PCDHA7: variants seen among roughly 807,000 people sequenced by gnomAD.
PCDHA7 encodes the protein protocadherin alpha-7.
A neutral mutation model predicts 57.2 loss-of-function variants in PCDHA7; 37 were observed. The observed-to-expected ratio is 0.65, with a 90% CI of 0.50 to 0.85. The LOEUF (loss-of-function observed/expected upper bound fraction) is 0.85. Among genes scored for constraint, PCDHA7 ranks in the 40% least tolerant of loss-of-function variants. PCDHA7 has a pLI of 0.00. For missense variants in PCDHA7, 1,188 were observed against 1,241.8 expected (o/e 0.96, Z 0.65); for synonymous variants, 553 against 558.8 (o/e 0.99, Z 0.15).
intron 3 of PCDHA7, among the ~76,000 whole-genome samples, chr5:141,008,415 C>T (rs782593921): frequency 2.0e-5 from 3 of 152,138 alleles, no homozygotes; most frequent in Non-Finnish European, 4.4e-5. Flanking sequence ...ATGTCATGGC[C>T]ACTGGGATCA....
chr5:140,967,218 C>T, intron 1 of PCDHA7: 3 of 1,613,744 alleles, frequency 1.9e-6, no homozygotes, highest in South Asian at 1.1e-5. Flanking sequence ...TTCCCGCGGC[C>T]CAACTACCAG....
At chr5:140,938,930 A>T (rs2092272913) in intron 1 of PCDHA7, among the ~76,000 whole-genome samples, 1 of 152,066 alleles carries the variant, frequency 6.6e-6, no homozygotes, top group African/African-American at 2.4e-5. Flanking sequence ...ATTGGCTTTT[A>T]ACTTTCCATT....
intron 1 of PCDHA7, chr5:140,866,572 GTGGT>G (rs1562601054): frequency 6.6e-6 from 1 of 152,168 alleles, no homozygotes; most frequent in African/African-American, 2.4e-5. Context: ...TGTTAATACA[GTGGT>G]TGGATAATGT....
In PCDHA7 at chr5:140,884,485, A is replaced by G. The variant is rs781880810; in HGVS notation, c.2355+47747A>G. 8 of 1,613,726 alleles carry G rather than the reference A, an allele frequency of 5.0e-6. No homozygotes were observed. The South Asian group carries it at 6.6e-5, about 13-fold the overall frequency. Reference sequence around the variant, plus strand: ...CGTGCGCGCCGGGCAAGCCCACTCTAGTGTGCTCCAGCGCGGCAGGGAGTT... The same window carrying G: ...CGTGCGCGCCGGGCAAGCCCACTCTGGTGTGCTCCAGCGCGGCAGGGAGTT... On this transcript the variant is annotated intron_variant, in intron 1 of 3. Transcript: ENST00000525929.
chr5:140,940,643 T>A (rs2092660320), intron 1 of PCDHA7, among the ~76,000 whole-genome samples: 1 of 152,226 alleles, frequency 6.6e-6, no homozygotes, highest in Non-Finnish European at 1.5e-5. Flanking sequence ...TGTCATTTAT[T>A]TATTTAAATA....
chr5:140,919,706 C>T (rs2079272649), intron 1 of PCDHA7, among the ~76,000 whole-genome samples: 1 of 152,048 alleles, frequency 6.6e-6, no homozygotes, highest in African/African-American at 2.4e-5. Flanking sequence ...TAACTTAATT[C>T]TAGTGAGATA....
At chr5:140,936,242 T>C (rs2090852443) in intron 1 of PCDHA7, among the ~76,000 whole-genome samples, 1 of 152,196 alleles carries the variant, frequency 6.6e-6, no homozygotes, top group African/African-American at 2.4e-5. Flanking sequence ...AAAGAAAACA[T>C]ATCCTGCTTC....
intron 1 of PCDHA7, chr5:140,858,432 G>A: frequency 6.5e-7 from 1 of 1,546,306 alleles, no homozygotes; most frequent in Admixed American, 1.9e-5. Flanking sequence ...GACCACTCTA[G>A]GAAGGTGGGT....
At position 140,855,991 on chromosome 5, in the gene PCDHA7, A is replaced by C; in HGVS notation, c.2355+19253A>C. On this transcript the variant is annotated intron_variant, in intron 1 of 3. Coordinates refer to ENST00000525929, the MANE Select transcript of PCDHA7 (RefSeq NM_018910.3). ...TAAGAAATAGGACAGAAAATGTCAG[A>C]TCGTATGTGCGTTCTAGACCGCTGA... 2.0e-6 allele frequency: 3 copies of C among 1,492,426 alleles called. 1 individual carries two copies. In the South Asian group the frequency reaches 3.9e-5, roughly 20 times the overall value. 92.4% of individuals were successfully genotyped at this position (1,492,426 alleles called of 1,614,324 possible). A position where few individuals can be genotyped will look rare whatever the true frequency, so the allele number is the denominator to read the frequency against.
At chr5:141,003,982 G>A (rs914206731) in intron 3 of PCDHA7, among the ~76,000 whole-genome samples, 25 of 152,152 alleles carry the variant, frequency 1.6e-4, no homozygotes, top group African/African-American at 5.6e-4. Flanking sequence ...GGGACTTGCC[G>A]GAGATCCTAG....
intron 1 of PCDHA7, among the ~76,000 whole-genome samples, chr5:140,972,728 A>T (rs189687890): frequency 6.8e-6 from 1 of 147,854 alleles, no homozygotes; most frequent in East Asian, 2.0e-4. Context: ...CAGTGGCGTA[A>T]TCCCGGCTCA....
chr5:140,858,397 C>A, intron 1 of PCDHA7: 1 of 1,573,182 alleles, frequency 6.4e-7, no homozygotes, highest in Non-Finnish European at 8.7e-7. Flanking sequence ...TAGATGTGGA[C>A]GGGGAAGATC....
chr5:140,842,383 C>T, intron 1 of PCDHA7: 2 of 1,610,796 alleles, frequency 1.2e-6, no homozygotes, highest in Non-Finnish European at 1.7e-6. Context: ...CACTGACTTC[C>T]TTATCCTTGC....
intron 1 of PCDHA7, among the ~76,000 whole-genome samples, chr5:140,934,801 A>G (rs1470129792): frequency 1.3e-5 from 2 of 152,194 alleles, no homozygotes; most frequent in Non-Finnish European, 2.9e-5. Flanking sequence ...TATCTTTTTA[A>G]TGATCAAATT....
At chr5:140,876,649 G>A (rs372867848) in intron 1 of PCDHA7, 6 of 1,614,222 alleles carry the variant, frequency 3.7e-6, no homozygotes, top group Non-Finnish European at 5.1e-6. Flanking sequence ...GACACCTCAT[G>A]TTCCCTTCAA....
chr5:140,947,083 A>T (rs1268359945), intron 1 of PCDHA7, among the ~76,000 whole-genome samples: 1 of 151,728 alleles, frequency 6.6e-6, no homozygotes, highest in African/African-American at 2.4e-5. Context: ...TTGAAACATC[A>T]GACTGTAGCC....
At chr5:140,927,568 A>T in intron 1 of PCDHA7, 1 of 1,614,174 alleles carries the variant, frequency 6.2e-7, no homozygotes, top group Non-Finnish European at 8.5e-7. Flanking sequence ...TGTGGTGGAC[A>T]CAAATGACAA....
rs1232327422 is a variant in PCDHA7, at chr5:140,841,830, A to G, written c.2355+5092A>G. On this transcript the variant is annotated intron_variant, in intron 1 of 3. Transcript: ENST00000525929. ...GTTGGAGCTAACTCCGTGTTAACCT[A>G]CAGGCTTAGCTCTCATGATTACTTC... 5.6e-6 allele frequency: 9 copies of G among 1,613,794 alleles called. No individual in the cohort carries two copies. In the South Asian group the frequency reaches 7.7e-5, roughly 14 times the overall value.
chr5:140,986,291 A>C (rs1554247870), intron 3 of PCDHA7, among the ~76,000 whole-genome samples: 1 of 152,142 alleles, frequency 6.6e-6, no homozygotes, highest in East Asian at 1.9e-4. Context: ...CTTGAGACTG[A>C]GCAGAGAGAG....
Sources: allele counts gnomAD v4.1 joint callset (sites outside exome capture counted in the v4.1 genomes callset), GRCh38; gene constraint gnomAD v4.1.1; transcripts MANE v1.5; gene names NCBI Gene and HGNC (gene_info 2026-07-23, HGNC 2026-07-21).